The following LGR6 variants were observed in gnomAD, a reference collection of about 807,000 sequenced individuals.
LGR6 encodes leucine rich repeat containing G protein-coupled receptor 6, also known as leucine-rich repeat-containing G protein-coupled receptor 6.
In LGR6, 45 loss-of-function variants were observed where a neutral mutation model predicts 69.4. The ratio of observed to expected loss-of-function variants is 0.65; its 90% CI spans 0.51 to 0.83. LGR6 has a LOEUF of 0.83. Ranked by LOEUF, LGR6 falls within the 40% of genes least tolerant of loss-of-function variation. The pLI is 0.00. For synonymous variants in LGR6, 538 were observed against 555.0 expected (o/e 0.97, Z 0.43); for missense variants, 1,108 against 1,246.7 (o/e 0.89, Z 1.68).
Position 202,257,957 on chromosome 1 carries a change from C to T in LGR6, c.429-18349C>T, listed in dbSNP as rs548494441. 6.9e-4 allele frequency among the ~76,000 whole-genome samples: 105 copies of T among 152,046 alleles called. 1 individual carries two copies. The highest frequency in any genetic ancestry group is 1.9e-3 in the Admixed American group (29 of 15,274). ...CAATCCATGAATATGGGATATTTTC[C>T]GATTTATTTAGGTGTTTTTAAATTT... On this transcript the variant is annotated intron_variant, in intron 4 of 17. Transcript: ENST00000367278.
At chr1:202,300,982 A>G (rs1667545945) in intron 8 of LGR6, 62 bp downstream of exon 8, 1 of 1,484,224 alleles carries the variant, frequency 6.7e-7, no homozygotes, top group Non-Finnish European at 9.3e-7. Context: ...AGGACAGAGG[A>G]TGGGAAGGCA....
chr1:202,229,687 AG>A lies in LGR6; in HGVS notation c.356+1685del, dbSNP rs555477465. On this transcript the variant is annotated intron_variant, in intron 3 of 17. Transcript: ENST00000367278. ...CCCTTGGCTCAGTGAGTAGGGCAGC[AG>A]GGGGAGGTTGTGGGCAGAAGTTGAG... 4.6e-4 allele frequency among the ~76,000 whole-genome samples: 70 copies of A among 152,330 alleles called. 2 individuals carry two copies. The South Asian group carries it at 8.7e-3, about 19-fold the overall frequency.
chr1:202,300,950 G>A, intron 8 of LGR6, 30 bp downstream of exon 8: 1 of 1,572,306 alleles, frequency 6.4e-7, no homozygotes, highest in Non-Finnish European at 8.7e-7. Flanking sequence ...GTCTCTTAAT[G>A]CCGAACAGTG....
At chr1:202,308,868 C>T (rs2148292683) in intron 14 of LGR6, among the ~76,000 whole-genome samples, 183 bp from the exon 15 acceptor site, 1 of 152,324 alleles carries the variant, frequency 6.6e-6, no homozygotes, top group Middle Eastern at 3.4e-3. Context: ...GCAGATGGTG[C>T]CTCTAGCAAC....
At chr1:202,236,096 C>T in intron 4 of LGR6, 103 bp downstream of exon 4, 1 of 899,952 alleles carries the variant, frequency 1.1e-6, no homozygotes, top group Non-Finnish European at 1.8e-6. Context: ...GCAGGCGCCC[C>T]CTCTCCCAGT....
Position 202,318,420 on chromosome 1 carries a change from C to T in LGR6, c.2117C>T (p.Ala706Val), listed in dbSNP as rs760804931. The T allele has an allele frequency of 6.2e-7, 1 of 1,610,116 alleles. No homozygotes were observed. Among genetic ancestry groups the T allele is most frequent in the Non-Finnish European group, 8.5e-7 (1 of 1,178,296 alleles). The change falls in exon 18 of 18, where the codon GCC becomes GTC. Residue 706 changes from alanine (A) to valine (V), a missense_variant. Ala to Val is a moderately conservative substitution (Grantham distance 64, BLOSUM62 0). Transcript: ENST00000367278. Reference protein sequence around the residue: ...LAGLAAALPLASVGEYGASPL... With the variant: ...LAGLAAALPLVSVGEYGASPL... ...GGGCTGGCCGCCGCGCTGCCCCTGG[C>T]CTCAGTGGGAGAATACGGGGCCTCC...
intron 1 of LGR6, among the ~76,000 whole-genome samples, chr1:202,223,612 G>T (rs1660314658): frequency 6.6e-6 from 1 of 152,004 alleles, no homozygotes; most frequent in Non-Finnish European, 1.5e-5. Flanking sequence ...CCTCAGGGAA[G>T]GGGCAGGCAG....
chr1:202,276,340 G>T lies in LGR6; in HGVS notation c.463G>T (p.Glu155Ter), dbSNP rs760319959. 1 of 1,614,134 alleles carries T rather than the reference G, an allele frequency of 6.2e-7. No individual in the cohort carries two copies. The highest frequency in any genetic ancestry group is 8.5e-7 in the Non-Finnish European group (1 of 1,180,010). ...LDANLISLVP[E>*]RSFEGLSSLR... The stretch of plus-strand genomic sequence containing the variant: ...TGCCAACCTCATCTCCCTGGTCCCG[G>T]AGAGGAGCTTTGAGGGGCTGTCCTC... The change falls in exon 5 of 18, where the codon GAG becomes TAG. Residue 155 changes from glutamate (E) to a stop codon, truncating the protein, a stop_gained. Coordinates refer to ENST00000367278, the MANE Select transcript of LGR6 (RefSeq NM_001017403.2). LOFTEE classifies it high-confidence loss of function.
chr1:202,196,942 G>A (rs952701627), intron 1 of LGR6: 4 of 480,562 alleles, frequency 8.3e-6, no homozygotes, highest in African/African-American at 8.0e-5. Context: ...TTGGGGGTTG[G>A]GGATCGGGAG....
chr1:202,250,317 GT>G (rs1663118433), intron 4 of LGR6, among the ~76,000 whole-genome samples: 1 of 151,970 alleles, frequency 6.6e-6, no homozygotes, highest in Admixed American at 6.6e-5. Flanking sequence ...ATTTCATCCT[GT>G]TTCCCTCTAT....
At chr1:202,241,844 A>T (rs189841598) in intron 4 of LGR6, among the ~76,000 whole-genome samples, 2 of 152,234 alleles carry the variant, frequency 1.3e-5, no homozygotes, top group East Asian at 3.9e-4. Context: ...CTAGGGGGGA[A>T]ATGCATAATG....
chr1:202,251,373 A>G (rs991998223), intron 4 of LGR6, among the ~76,000 whole-genome samples: 4 of 152,228 alleles, frequency 2.6e-5, no homozygotes, highest in Admixed American at 2.6e-4. Context: ...ATTACCTGCT[A>G]TATGAGGATG....
At chr1:202,261,672 A>G (rs1027682525) in intron 4 of LGR6, among the ~76,000 whole-genome samples, 5 of 152,210 alleles carry the variant, frequency 3.3e-5, no homozygotes, top group African/African-American at 9.7e-5. Flanking sequence ...GACTTCCACA[A>G]TGGTTGAACT....
chr1:202,301,282 C>T lies in LGR6; in HGVS notation c.929+47C>T, dbSNP rs771190946. ...GCTGCAGCCTGAACTTCCCCCTTTC[C>T]TCACTCCTTCTTGCTCTCTCCTGCC... On this transcript the variant is annotated intron_variant, in intron 9 of 17. Coordinates refer to ENST00000367278, the MANE Select transcript of LGR6 (RefSeq NM_001017403.2). 7.4e-6 allele frequency: 11 copies of T among 1,484,480 alleles called. No individual in the cohort carries two copies. In the South Asian group the frequency reaches 1.0e-4, roughly 14 times the overall value. The allele number at this position is 1,484,480 out of a possible 1,614,324, so 92.0% of individuals were successfully genotyped here.
At chr1:202,283,515 T>G (rs1209843596) in intron 6 of LGR6, among the ~76,000 whole-genome samples, 1 of 152,224 alleles carries the variant, frequency 6.6e-6, no homozygotes, top group Non-Finnish European at 1.5e-5. Context: ...CCACTTAGAC[T>G]TCTCTCATCT....
At chr1:202,307,837 G>A (rs538595305) in intron 14 of LGR6, among the ~76,000 whole-genome samples, 5 of 152,286 alleles carry the variant, frequency 3.3e-5, no homozygotes, top group African/African-American at 1.2e-4. Flanking sequence ...GGCAGCAGGG[G>A]ACCTCAGGTC....
intron 1 of LGR6, among the ~76,000 whole-genome samples, chr1:202,205,435 A>AG (rs1659155377): frequency 4.7e-5 from 2 of 42,162 alleles, no homozygotes; most frequent in Non-Finnish European, 1.1e-4. Flanking sequence ...CCTAACACAC[A>AG]CCTCCTTCAA....
At chr1:202,251,391 T>G (rs1261405661) in intron 4 of LGR6, among the ~76,000 whole-genome samples, 1 of 152,246 alleles carries the variant, frequency 6.6e-6, no homozygotes, top group Non-Finnish European at 1.5e-5. Flanking sequence ...ATGATCTATG[T>G]CCCTGCAGCC....
chr1:202,203,915 T>A, intron 1 of LGR6: 1 of 1,465,990 alleles, frequency 6.8e-7, no homozygotes, highest in Non-Finnish European at 9.6e-7. Context: ...TTGGGGGGTG[T>A]TTAGCACAGA....
Sources: gnomAD v4.1 joint callset for allele counts (sites outside exome capture counted in the v4.1 genomes callset) on GRCh38, gnomAD v4.1.1 for gene constraint, MANE v1.5 for transcripts, NCBI Gene and HGNC (gene_info 2026-07-23, HGNC 2026-07-21) for gene names.